LARGE1: variants seen among roughly 807,000 people sequenced by gnomAD.
LARGE1 encodes the protein LARGE xylosyl- and glucuronyltransferase 1.
Under a neutral mutation model 87.6 loss-of-function variants are expected in LARGE1, and 43 were observed. The observed-to-expected ratio is 0.49, with a 90% CI of 0.38 to 0.63. The LOEUF (loss-of-function observed/expected upper bound fraction) is 0.63, where lower values mean the gene tolerates loss of function less well. LARGE1 is among the 30% of genes least tolerant of loss of function. LARGE1 has a pLI of 0.00. For synonymous variants in LARGE1, 434 were observed against 394.6 expected, an observed-to-expected ratio of 1.10 and a Z score of -1.18; for missense variants, 802 against 1,000.2, an observed-to-expected ratio of 0.80 and a Z score of 2.67.
At chr22:33,296,574 T>C (rs903322327) in intron 12 of LARGE1, among the ~76,000 whole-genome samples, 36 of 150,570 alleles carry the variant, frequency 2.4e-4, no homozygotes, top group African/African-American at 8.3e-4. Context: ...CTTTTCTTTT[T>C]TTTTTTTTTT....
chr22:33,233,280 GTGA>G (rs753881587), intron 11 of LARGE1, among the ~76,000 whole-genome samples: 10 of 149,404 alleles, frequency 6.7e-5, no homozygotes, highest in Non-Finnish European at 1.3e-4. Context: ...GGTGGTGTTA[GTGA>G]TGATGATGAT....
Position 33,692,580 on chromosome 22 carries a change from G to A in LARGE1, c.107-41912C>T, listed in dbSNP as rs181304262. The stretch of plus-strand genomic sequence containing the variant: ...CCTGCCTTGGCCTCCCAAAGTGGTG[G>A]AATTATAGGCGTGAGCCACCGCGCC... On this transcript the variant is annotated intron_variant, in intron 2 of 14. Coordinates refer to ENST00000397394, the MANE Select transcript of LARGE1 (RefSeq NM_133642.5). 2.2e-4 allele frequency among the ~76,000 whole-genome samples: 33 copies of A among 152,320 alleles called. No homozygotes were observed. The East Asian group carries it at 6.2e-3, about 29-fold the overall frequency.
intron 6 of LARGE1, among the ~76,000 whole-genome samples, chr22:33,507,969 G>A (rs1227180200): frequency 4.6e-5 from 7 of 152,114 alleles, no homozygotes; most frequent in Non-Finnish European, 5.9e-5. Flanking sequence ...TCCTCCTTGC[G>A]TTTCTGACTA....
chr22:33,269,088 T>C (rs1038035437), downstream of LARGE1, among the ~76,000 whole-genome samples: 4 of 152,182 alleles, frequency 2.6e-5, no homozygotes, highest in Non-Finnish European at 5.9e-5. Flanking sequence ...AATGTTATGT[T>C]TTAAAAAAAT....
Position 33,395,092 on chromosome 22 carries a change from G to T in LARGE1, c.893-10788C>A, listed in dbSNP as rs572656652. On this transcript the variant is annotated intron_variant, in intron 7 of 14. Coordinates refer to ENST00000397394, the MANE Select transcript of LARGE1 (RefSeq NM_133642.5). The stretch of plus-strand genomic sequence containing the variant: ...AAATACAAAAAAATTAGCCGGGCGT[G>T]GTGGCGGGCCCCTGTAGTCCCAGCT... Among the ~76,000 whole-genome samples, 21 of 152,190 alleles carry T rather than the reference G, an allele frequency of 1.4e-4. No individual in the cohort carries two copies. The South Asian group carries it at 3.9e-3, about 29-fold the overall frequency.
intron 1 of LARGE1, among the ~76,000 whole-genome samples, chr22:33,902,649 G>A (rs764064859): frequency 1.3e-5 from 2 of 152,110 alleles, no homozygotes; most frequent in Non-Finnish European, 2.9e-5. Context: ...GCACTGCCTA[G>A]GTGAATCTGT....
At chr22:33,264,731 C>A (rs77665914) in intron 11 of LARGE1, among the ~76,000 whole-genome samples, 5 of 152,030 alleles carry the variant, frequency 3.3e-5, no homozygotes, top group South Asian at 2.1e-4. Flanking sequence ...CAAAGTCTCT[C>A]TGCTTGATGA....
intron 1 of LARGE1, among the ~76,000 whole-genome samples, chr22:33,810,437 G>A (rs113417020): frequency 5.3e-5 from 8 of 152,274 alleles, no homozygotes; most frequent in African/African-American, 1.9e-4. Flanking sequence ...CCATGGTGTG[G>A]TGGTTCTCAT....
At chr22:33,744,842 G>T (rs1453812959) in intron 2 of LARGE1, among the ~76,000 whole-genome samples, 1 of 152,166 alleles carries the variant, frequency 6.6e-6, no homozygotes, top group Non-Finnish European at 1.5e-5. Context: ...GAGAACGTGG[G>T]CTCCAGGCCA....
At chr22:33,131,033 C>CAAAAAAAAAAAAAAA in the LARGE1 span, among the ~76,000 whole-genome samples, 1 of 70,940 alleles carries the variant, frequency 1.4e-5, no homozygotes, top group African/African-American at 5.7e-5. Flanking sequence ...GACTCCGTCT[C>CAAAAAAAAAAAAAAA]AAAAAAAAAA....
chr22:33,311,484 G>C (rs1229447409), intron 11 of LARGE1, among the ~76,000 whole-genome samples: 1 of 152,220 alleles, frequency 6.6e-6, no homozygotes, highest in East Asian at 1.9e-4. Context: ...GAAACATTAA[G>C]AAAAGGGAAA....
At chr22:33,120,366 CTT>C in the LARGE1 span, among the ~76,000 whole-genome samples, 41,035 of 139,784 alleles carry the variant, frequency 0.29, 6,502 homozygotes, top group African/African-American at 0.44. Context: ...CTTTTTCTTT[CTT>C]TCTTTCTTTC....
At chr22:33,596,791 G>T (rs943538157) in intron 5 of LARGE1, among the ~76,000 whole-genome samples, 6 of 152,322 alleles carry the variant, frequency 3.9e-5, no homozygotes, top group Admixed American at 1.3e-4. Context: ...AAGATTTGTT[G>T]AGTGCCTATT....
chr22:33,791,719 T>C (rs962441749), intron 1 of LARGE1, among the ~76,000 whole-genome samples: 2 of 152,216 alleles, frequency 1.3e-5, no homozygotes, highest in African/African-American at 4.8e-5. Context: ...ACTTTCATTA[T>C]GGAAGCCAAG....
chr22:33,519,204 T>C (rs1167010002), intron 6 of LARGE1, among the ~76,000 whole-genome samples: 1 of 151,518 alleles, frequency 6.6e-6, no homozygotes, highest in Non-Finnish European at 1.5e-5. Flanking sequence ...CTGGCAATTC[T>C]GCAGGTCCCT....
At position 33,719,267 on chromosome 22, in the gene LARGE1, A is replaced by G. The variant is rs138383627; in HGVS notation, c.106+42104T>C. On this transcript the variant is annotated intron_variant, in intron 2 of 14. Transcript: ENST00000397394. ...AAAAATATTTCAAAGTTTATAAAGT[A>G]AAAAAGTTACAGCAAACTAATGTAG... Among the ~76,000 whole-genome samples, 237 of 152,354 alleles carry G rather than the reference A, an allele frequency of 1.6e-3. 2 individuals are homozygous for G. Among genetic ancestry groups the G allele is most frequent in the Non-Finnish European group, 3.2e-4 (22 of 68,040 alleles).
intron 11 of LARGE1, among the ~76,000 whole-genome samples, chr22:33,223,655 C>T (rs961342950): frequency 6.6e-6 from 1 of 152,316 alleles, no homozygotes; most frequent in Middle Eastern, 3.4e-3. Flanking sequence ...AGAAGCAGCC[C>T]TCATGCAATT....
chr22:33,710,439 T>C (rs1169054543), intron 2 of LARGE1, among the ~76,000 whole-genome samples: 1 of 152,138 alleles, frequency 6.6e-6, no homozygotes, highest in Non-Finnish European at 1.5e-5. Flanking sequence ...CTGAACAAGT[T>C]AGGAAGACAG....
intron 1 of LARGE1, among the ~76,000 whole-genome samples, chr22:33,842,826 G>C (rs1391844472): frequency 6.6e-6 from 1 of 152,160 alleles, no homozygotes; most frequent in Non-Finnish European, 1.5e-5. Context: ...TACTGATCTA[G>C]AGGGCAGCTG....
Sources: allele counts gnomAD v4.1 joint callset (sites outside exome capture counted in the v4.1 genomes callset), GRCh38; gene constraint gnomAD v4.1.1; transcripts MANE v1.5; gene names NCBI Gene and HGNC (gene_info 2026-07-23, HGNC 2026-07-21).